BICD1: variants seen among roughly 807,000 people sequenced by gnomAD.
BICD1 encodes the protein protein bicaudal D homolog 1.
A neutral mutation model predicts 92.5 loss-of-function variants in BICD1; 35 were observed. The ratio of observed to expected loss-of-function variants is 0.38; its 90% CI spans 0.29 to 0.50. The LOEUF is 0.50. BICD1 is among the 20% of genes least tolerant of loss of function. The pLI is 0.93. For synonymous variants in BICD1, 429 were observed against 465.1 expected (o/e 0.92, Z 1.00); for missense variants, 950 against 1,189.8 (o/e 0.80, Z 2.97).
intron 8 of BICD1, among the ~76,000 whole-genome samples, chr12:32,354,332 A>G (rs1478218981): frequency 6.6e-6 from 1 of 152,134 alleles, no homozygotes; most frequent in African/African-American, 2.4e-5. Flanking sequence ...AAGTGTGATG[A>G]ACTATATGCA....
intron 1 of BICD1, among the ~76,000 whole-genome samples, chr12:32,201,425 G>T (rs543781599): frequency 6.6e-6 from 1 of 152,038 alleles, no homozygotes; most frequent in Non-Finnish European, 1.5e-5. Context: ...GTATTCCAGC[G>T]ATTTGGCACC....
intron 2 of BICD1, among the ~76,000 whole-genome samples, chr12:32,246,562 T>TG (rs1946394379): frequency 6.6e-6 from 1 of 152,062 alleles, no homozygotes; most frequent in Non-Finnish European, 1.5e-5. Flanking sequence ...TGCTTGAGCC[T>TG]GGGGGGTTGA....
chr12:32,120,867 TAGAGAGAG>T (rs144690164), intron 1 of BICD1, among the ~76,000 whole-genome samples: 39,779 of 83,094 alleles, frequency 0.48, 6,035 homozygotes, highest in Middle Eastern at 0.55. Context: ...AATCAACCAT[TAGAGAGAG>T]AGAGAGAGAG....
At chr12:32,151,869 T>C (rs1269283470) in intron 1 of BICD1, among the ~76,000 whole-genome samples, 1 of 152,206 alleles carries the variant, frequency 6.6e-6, no homozygotes, top group Non-Finnish European at 1.5e-5. Flanking sequence ...CCTGTGGCCA[T>C]AGTGGAAGAT....
chr12:32,314,039 G>A (rs1230052037), intron 4 of BICD1, among the ~76,000 whole-genome samples: 1 of 152,144 alleles, frequency 6.6e-6, no homozygotes, highest in Admixed American at 6.5e-5. Context: ...TTTTGTGACT[G>A]GCTTCTTTCA....
chr12:32,175,795 G>A (rs1345766748), intron 1 of BICD1, among the ~76,000 whole-genome samples: 1 of 152,176 alleles, frequency 6.6e-6, no homozygotes, highest in Non-Finnish European at 1.5e-5. Context: ...ACTGAGTGAT[G>A]CAACTGTAAT....
chr12:32,351,566 A>AC (rs71068320), intron 8 of BICD1, among the ~76,000 whole-genome samples: 80,396 of 148,894 alleles, frequency 0.54, 22,708 homozygotes, highest in African/African-American at 0.72. Flanking sequence ...GAAAATACAT[A>AC]ATTTATTTTG....
intron 2 of BICD1, among the ~76,000 whole-genome samples, chr12:32,218,896 T>G (rs554509189): frequency 6.6e-6 from 1 of 152,332 alleles, no homozygotes; most frequent in African/African-American, 2.4e-5. Context: ...CTAAGAGAAT[T>G]ATTATTAACA....
intron 1 of BICD1, among the ~76,000 whole-genome samples, chr12:32,113,764 C>T (rs12230302): frequency 0.15 from 22,372 of 148,564 alleles, 1,998 homozygotes; most frequent in Non-Finnish European, 0.18. Flanking sequence ...GGCTGGAGTG[C>T]AGTGGTCTGA....
intron 8 of BICD1, among the ~76,000 whole-genome samples, chr12:32,342,204 G>GTATATATATATATA (rs3075972): frequency 2.8e-4 from 33 of 119,298 alleles, no homozygotes; most frequent in Middle Eastern, 6.6e-3. Context: ...GTGTGTGTGT[G>GTATATATATATATA]TATATATATA....
intron 8 of BICD1, among the ~76,000 whole-genome samples, chr12:32,344,943 G>C (rs1938512054): frequency 1.3e-5 from 2 of 152,108 alleles, no homozygotes; most frequent in African/African-American, 4.8e-5. Flanking sequence ...TGTAGGGGAA[G>C]GCCTGGGCAC....
chr12:32,370,103 G>A (rs1027933949), intron 9 of BICD1, among the ~76,000 whole-genome samples: 4 of 151,704 alleles, frequency 2.6e-5, no homozygotes, highest in Non-Finnish European at 4.4e-5. Context: ...GCGTGGTGGC[G>A]CAGGCCTGTA....
chr12:32,242,189 C>G (rs1477535467), intron 2 of BICD1, among the ~76,000 whole-genome samples: 1 of 131,026 alleles, frequency 7.6e-6, no homozygotes, highest in East Asian at 2.3e-4. Flanking sequence ...GCGCTCCAGC[C>G]TAGGATACAG....
chr12:32,184,557 T>A (rs1944374980), intron 1 of BICD1, among the ~76,000 whole-genome samples: 1 of 152,190 alleles, frequency 6.6e-6, no homozygotes, highest in African/African-American at 2.4e-5. Flanking sequence ...AGTGCTGGGA[T>A]TACAGGTGTG....
chr12:32,373,934 GT>G (rs1228950737), intron 9 of BICD1, among the ~76,000 whole-genome samples: 4 of 151,662 alleles, frequency 2.6e-5, no homozygotes, highest in African/African-American at 9.7e-5. Context: ...TCTTTCTTGG[GT>G]GGACACAGTG....
intron 2 of BICD1, among the ~76,000 whole-genome samples, chr12:32,281,347 T>C (rs187148187): frequency 6.6e-6 from 1 of 152,350 alleles, no homozygotes; most frequent in Admixed American, 6.5e-5. Context: ...TACCTTGCGT[T>C]CTTTGCCAGT....
chr12:32,360,003 G>A (rs1939258909), intron 8 of BICD1, among the ~76,000 whole-genome samples: 1 of 152,072 alleles, frequency 6.6e-6, no homozygotes, highest in African/African-American at 2.4e-5. Flanking sequence ...GGCTAACACG[G>A]TGAAACCCCG....
chr12:32,306,961 G>A (rs1441456806), intron 4 of BICD1, among the ~76,000 whole-genome samples: 1 of 151,708 alleles, frequency 6.6e-6, no homozygotes, highest in Non-Finnish European at 1.5e-5. Context: ...AGATTGCAGT[G>A]AGCCGAGATC....
At chr12:32,324,835 C>T (rs1467954923) in intron 4 of BICD1, among the ~76,000 whole-genome samples, 1 of 152,144 alleles carries the variant, frequency 6.6e-6, no homozygotes, top group Non-Finnish European at 1.5e-5. Context: ...ACCTCGGCCT[C>T]CCAAAGTGCT....
Sources: gnomAD v4.1 joint callset for allele counts (sites outside exome capture counted in the v4.1 genomes callset) on GRCh38, gnomAD v4.1.1 for gene constraint, MANE v1.5 for transcripts, NCBI Gene and HGNC (gene_info 2026-07-23, HGNC 2026-07-21) for gene names.